CPNE9: variants seen among roughly 807,000 people sequenced by gnomAD.
The protein encoded by CPNE9 is copine family member 9, also known as copine-9.
A neutral mutation model predicts 83.0 loss-of-function variants in CPNE9; 59 were observed. The observed-to-expected ratio is 0.71, with a 90% CI of 0.58 to 0.88. CPNE9 has a LOEUF of 0.88. Ranked by LOEUF, CPNE9 falls within the 40% of genes least tolerant of loss-of-function variation. The pLI, the probability that CPNE9 is intolerant of heterozygous loss-of-function variation, is 0.00. For synonymous variants in CPNE9, 256 were observed against 273.4 expected (o/e 0.94, Z 0.63); for missense variants, 619 against 720.8 (o/e 0.86, Z 1.62).
chr3:9,726,339 C>T (rs73113533), intron 18 of CPNE9, among the ~76,000 whole-genome samples: 3,031 of 152,142 alleles, frequency 0.02, 92 homozygotes, highest in African/African-American at 0.069. Flanking sequence ...GAAGAGGAAC[C>T]CTGAGCTTAG....
chr3:9,710,084 G>C (rs7644910), intron 7 of CPNE9, among the ~76,000 whole-genome samples: 1 of 151,752 alleles, frequency 6.6e-6, no homozygotes, highest in Non-Finnish European at 1.5e-5. Flanking sequence ...TGGAGGCTGA[G>C]GTGAGAGAAT....
intron 7 of CPNE9, among the ~76,000 whole-genome samples, chr3:9,709,655 G>A (rs1284897717): frequency 1.3e-5 from 2 of 151,948 alleles, no homozygotes; most frequent in East Asian, 2.0e-4. Context: ...GACGTGAGCT[G>A]CCACGCCTAG....
Position 9,704,096 on chromosome 3 carries a change from A to G in CPNE9, c.68+32A>G. On this transcript the variant is annotated intron_variant, in intron 1 of 20. Coordinates refer to ENST00000383832, the MANE Select transcript of CPNE9 (RefSeq NM_153635.3). This position sits in a 1 kb window ranked among gnomAD's most constrained non-coding sequence, Gnocchi z 7.1. ...GGGCCGCGCTGGGGAGGGCTTAGGC[A>G]CTGGCACTGCCCCAGCCCCAGCCAG... 13 of 1,588,426 alleles carry G rather than the reference A, an allele frequency of 8.2e-6. No individual in the cohort carries two copies. Among genetic ancestry groups the G allele is most frequent in the Non-Finnish European group, 1.1e-5 (13 of 1,167,180 alleles).
chr3:9,717,028 C>T (rs2076689971), intron 14 of CPNE9, 30 bp from the exon 15 acceptor site: 1 of 1,611,282 alleles, frequency 6.2e-7, no homozygotes, highest in Non-Finnish European at 8.5e-7. Context: ...ATTAGTTCCT[C>T]ACTTCTCAAT....
chr3:9,706,230 G>A (rs1483425106), intron 7 of CPNE9, among the ~76,000 whole-genome samples, 167 bp downstream of exon 7: 3 of 151,610 alleles, frequency 2.0e-5, no homozygotes, highest in Middle Eastern at 3.2e-3. Flanking sequence ...TGCTCTGCCC[G>A]AGTCAGTATC....
intron 14 of CPNE9, among the ~76,000 whole-genome samples, chr3:9,716,672 A>G (rs1257174431): frequency 6.6e-6 from 1 of 152,132 alleles, no homozygotes; most frequent in Non-Finnish European, 1.5e-5. Context: ...CGGTTTCCCC[A>G]TGTTGGTCAG....
chr3:9,720,822 C>T (rs2076727244), intron 17 of CPNE9, among the ~76,000 whole-genome samples: 1 of 152,040 alleles, frequency 6.6e-6, no homozygotes, highest in African/African-American at 2.4e-5. Flanking sequence ...GGCAATGCAC[C>T]ATTGAGTGTG....
intron 11 of CPNE9, 81 bp downstream of exon 11, chr3:9,715,036 C>A: frequency 7.5e-7 from 1 of 1,329,546 alleles, no homozygotes; most frequent in Non-Finnish European, 1.1e-6. Flanking sequence ...CACTGAGAAC[C>A]CCAAAGTAGC....
At chr3:9,717,171 G>A in intron 15 of CPNE9, 67 bp downstream of exon 15, 1 of 1,537,862 alleles carries the variant, frequency 6.5e-7, no homozygotes, top group Non-Finnish European at 9.0e-7. Context: ...TTAGGAGTTG[G>A]CCTGGATTCC....
In CPNE9 at chr3:9,704,382, G is replaced by T. The variant is rs1253404220; in HGVS notation, c.69-205G>T. 1.3e-5 allele frequency among the ~76,000 whole-genome samples: 2 copies of T among 152,146 alleles called. No homozygotes were observed. The highest frequency in any genetic ancestry group is 2.9e-5 in the Non-Finnish European group (2 of 68,032). On this transcript the variant is annotated intron_variant, in intron 1 of 20. Transcript: ENST00000383832. This position sits in a 1 kb window ranked among gnomAD's most constrained non-coding sequence, Gnocchi z 7.1. ...TTGGAGACAGTGTGGGTGCGTTCGCGTCCAGTCCGCAGAGCCATGGTTCCT... is the reference window on the plus strand; with the variant it reads ...TTGGAGACAGTGTGGGTGCGTTCGCTTCCAGTCCGCAGAGCCATGGTTCCT...
chr3:9,720,010 CAT>C (rs1308919043), intron 17 of CPNE9, among the ~76,000 whole-genome samples: 10 of 147,448 alleles, frequency 6.8e-5, no homozygotes, highest in Non-Finnish European at 7.5e-5. Flanking sequence ...TATATATATA[CAT>C]ATATATATAT....
intron 7 of CPNE9, among the ~76,000 whole-genome samples, chr3:9,706,979 G>A (rs771219629): frequency 6.6e-5 from 10 of 152,166 alleles, no homozygotes; most frequent in South Asian, 2.1e-4. Flanking sequence ...CCTCTGAAAC[G>A]GGAGTCACTG....
At chr3:9,714,138 G>A (rs1366261561) in intron 10 of CPNE9, among the ~76,000 whole-genome samples, 1 of 152,108 alleles carries the variant, frequency 6.6e-6, no homozygotes, top group Non-Finnish European at 1.5e-5. Context: ...GAATGGATGG[G>A]CACATAGATG....
chr3:9,705,636 TCTC>T (rs1392603734), intron 5 of CPNE9, 79 bp from the exon 6 acceptor site: 1 of 1,585,356 alleles, frequency 6.3e-7, no homozygotes, highest in African/African-American at 1.3e-5. Context: ...TCCTGGTCCC[TCTC>T]CTCCTGCCTG....
chr3:9,704,573 T>C lies in CPNE9; in HGVS notation c.69-14T>C. 14 of 1,612,130 alleles carry C rather than the reference T, an allele frequency of 8.7e-6. No homozygotes were observed. The highest frequency in any genetic ancestry group is 1.2e-5 in the Non-Finnish European group (14 of 1,178,146). ...CAGGATGATCCACTCTGTCTGTCTG[T>C]TGCTTTTCTCTAGGAACCTGCTAGA... On this transcript the variant is annotated splice_polypyrimidine_tract_variant and intron_variant, in intron 1 of 20. Coordinates refer to ENST00000383832, the MANE Select transcript of CPNE9 (RefSeq NM_153635.3). The surrounding 1 kb of genome is among the most constrained non-coding windows in gnomAD (Gnocchi z 7.1).
chr3:9,723,238 G>A (rs1388593786), intron 17 of CPNE9, among the ~76,000 whole-genome samples: 5 of 152,166 alleles, frequency 3.3e-5, no homozygotes, highest in East Asian at 1.9e-4. Flanking sequence ...TTGGGAGGCC[G>A]AGGCGGGCGG....
intron 7 of CPNE9, among the ~76,000 whole-genome samples, chr3:9,711,832 C>A (rs139004041): frequency 2.9e-4 from 44 of 152,234 alleles, no homozygotes; most frequent in African/African-American, 8.7e-4. Context: ...TAAAGTTTCC[C>A]TTGTCTTTTA....
Position 9,715,835 on chromosome 3 carries a change from G to C in CPNE9, c.823-139G>C. On this transcript the variant is annotated intron_variant, in intron 13 of 20. Coordinates refer to ENST00000383832, the MANE Select transcript of CPNE9 (RefSeq NM_153635.3). Reference sequence around the variant, plus strand: ...TTTTCCCCTGTCAGAAGTTGAACAGGGTGGGACTGACTGGGGGAGCGGGTG... The same window carrying C: ...TTTTCCCCTGTCAGAAGTTGAACAGCGTGGGACTGACTGGGGGAGCGGGTG... 3 of 711,892 alleles carry C rather than the reference G, an allele frequency of 4.2e-6. No individual in the cohort carries two copies. In the South Asian group the frequency reaches 5.2e-5, roughly 12 times the overall value. The allele number at this position is 711,892 out of a possible 1,614,324, so 44.1% of individuals were successfully genotyped here.
At chr3:9,714,350 G>A (rs978803758) in intron 10 of CPNE9, among the ~76,000 whole-genome samples, 1 of 152,088 alleles carries the variant, frequency 6.6e-6, no homozygotes, top group African/African-American at 2.4e-5. Context: ...ATGGATAGAC[G>A]GATGGTTGGA....
Sources: allele counts gnomAD v4.1 joint callset (sites outside exome capture counted in the v4.1 genomes callset), GRCh38; gene constraint gnomAD v4.1.1; non-coding constraint Gnocchi (gnomAD v3.1); transcripts MANE v1.5; gene names NCBI Gene and HGNC (gene_info 2026-07-23, HGNC 2026-07-21).